The following ANKS1B variants were observed in gnomAD, a reference collection of about 807,000 sequenced individuals.
ANKS1B encodes ankyrin repeat and sterile alpha motif domain-containing protein 1B.
A neutral mutation model predicts 148.3 loss-of-function variants in ANKS1B; 36 were observed. The ratio of observed to expected loss-of-function variants is 0.24; its 90% confidence interval spans 0.19 to 0.32. The LOEUF (loss-of-function observed/expected upper bound fraction) is 0.32, where lower values mean the gene tolerates loss of function less well. Ranked by LOEUF, ANKS1B falls within the 10% of genes least tolerant of loss-of-function variation. The pLI, the probability that ANKS1B is intolerant of heterozygous loss-of-function variation, is 1.00. For synonymous variants in ANKS1B, 542 were observed against 560.8 expected (o/e 0.97, Z 0.47); for missense variants, 1,157 against 1,542.6 (o/e 0.75, Z 4.19).
chr12:99,030,860 G>A (rs1227250415), intron 17 of ANKS1B, among the ~76,000 whole-genome samples: 1 of 152,102 alleles, frequency 6.6e-6, no homozygotes, highest in Non-Finnish European at 1.5e-5. Flanking sequence ...ATGCAAAGAA[G>A]GGTCATTTTG....
At chr12:99,947,473 C>T (rs1321865215) in intron 1 of ANKS1B, among the ~76,000 whole-genome samples, 1 of 151,748 alleles carries the variant, frequency 6.6e-6, no homozygotes, top group Non-Finnish European at 1.5e-5. Context: ...AGTTTAGAAA[C>T]GTAACAATGA....
intron 1 of ANKS1B, among the ~76,000 whole-genome samples, chr12:99,919,682 A>G (rs1260882469): frequency 6.6e-6 from 1 of 151,700 alleles, no homozygotes; most frequent in Non-Finnish European, 1.5e-5. Context: ...ATCCACTGCT[A>G]TAATTTTGCA....
rs144028948 is a variant in ANKS1B, at chr12:99,642,131, C to A, written c.1272+12936G>T. Among the ~76,000 whole-genome samples, 586 of 152,224 alleles carry A rather than the reference C, an allele frequency of 3.8e-3. 3 individuals carry two copies. The highest frequency in any genetic ancestry group is 0.013 in the African/African-American group (555 of 41,524). On this transcript the variant is annotated intron_variant, in intron 9 of 26. Transcript: ENST00000683438. ...TCCTAAAATGATTAAAAAATTGAGG[C>A]TTTCCAAAGGCAAAATTATAGTTCA...
intron 1 of ANKS1B, among the ~76,000 whole-genome samples, chr12:99,957,639 A>T (rs1048217826): frequency 3.3e-5 from 5 of 152,196 alleles, no homozygotes; most frequent in African/African-American, 1.2e-4. Flanking sequence ...TACCTGGTTG[A>T]CTTATTAAAT....
chr12:99,475,152 G>A (rs980609287), intron 10 of ANKS1B, among the ~76,000 whole-genome samples: 1 of 150,918 alleles, frequency 6.6e-6, no homozygotes, highest in African/African-American at 2.4e-5. Flanking sequence ...GCTGAGGCAG[G>A]AGAATCACTT....
chr12:99,940,173 G>T lies in ANKS1B; in HGVS notation c.134+43931C>A, dbSNP rs189030232. Among the ~76,000 whole-genome samples, 24 of 152,228 alleles carry T rather than the reference G, an allele frequency of 1.6e-4. No homozygotes were observed. The East Asian group carries it at 4.2e-3, about 27-fold the overall frequency. Reference sequence around the variant, plus strand: ...AGTAAAGCTTGATTATACGCCCAGAGATGAGCATGCAAAGTATAGCCTAAT... The same window carrying T: ...AGTAAAGCTTGATTATACGCCCAGATATGAGCATGCAAAGTATAGCCTAAT... On this transcript the variant is annotated intron_variant, in intron 1 of 26. Coordinates refer to ENST00000683438, the MANE Select transcript of ANKS1B (RefSeq NM_001352186.2).
chr12:99,921,678 T>A (rs569850347), intron 1 of ANKS1B, among the ~76,000 whole-genome samples: 3 of 152,230 alleles, frequency 2.0e-5, no homozygotes, highest in African/African-American at 7.2e-5. Context: ...GAAAAAAATC[T>A]GTTTTGGAGA....
At chr12:99,513,751 T>C (rs1447956925) in intron 9 of ANKS1B, among the ~76,000 whole-genome samples, 1 of 152,070 alleles carries the variant, frequency 6.6e-6, no homozygotes, top group East Asian at 1.9e-4. Context: ...TACCGCATGC[T>C]AGTCCAGACC....
At chr12:99,809,896 G>T (rs1052121308) in intron 3 of ANKS1B, among the ~76,000 whole-genome samples, 1 of 152,032 alleles carries the variant, frequency 6.6e-6, no homozygotes, top group Non-Finnish European at 1.5e-5. Flanking sequence ...TCAAACACTG[G>T]CTGCATTTCT....
chr12:98,905,134 C>T (rs1393513816), intron 17 of ANKS1B, among the ~76,000 whole-genome samples: 1 of 152,114 alleles, frequency 6.6e-6, no homozygotes, highest in Non-Finnish European at 1.5e-5. Flanking sequence ...GAAACTGAGT[C>T]CCTAAGAGGT....
chr12:99,471,678 G>A (rs954859986), intron 10 of ANKS1B, among the ~76,000 whole-genome samples: 2 of 150,542 alleles, frequency 1.3e-5, no homozygotes, highest in Non-Finnish European at 3.0e-5. Context: ...ACATACACAC[G>A]CTCTTTAAAG....
intron 8 of ANKS1B, among the ~76,000 whole-genome samples, chr12:99,727,699 A>C (rs1302158442): frequency 6.6e-6 from 1 of 152,192 alleles, no homozygotes; most frequent in East Asian, 1.9e-4. Flanking sequence ...CTAATCAAAA[A>C]GAACAAAGCA....
At chr12:98,994,272 G>T (rs2099928275) in intron 17 of ANKS1B, among the ~76,000 whole-genome samples, 1 of 152,094 alleles carries the variant, frequency 6.6e-6, no homozygotes, top group African/African-American at 2.4e-5. Context: ...CTAATTACTA[G>T]GGATACTTCT....
chr12:98,947,516 C>T (rs567458676), intron 17 of ANKS1B, among the ~76,000 whole-genome samples: 1 of 152,162 alleles, frequency 6.6e-6, no homozygotes, highest in Non-Finnish European at 1.5e-5. Context: ...CTCAAATTTA[C>T]CTGACTTGAT....
intron 9 of ANKS1B, among the ~76,000 whole-genome samples, chr12:99,529,360 A>T (rs1389298609): frequency 1.3e-5 from 2 of 152,200 alleles, no homozygotes; most frequent in African/African-American, 2.4e-5. Flanking sequence ...TCTGTAAAGA[A>T]GCCATCAACA....
intron 6 of ANKS1B, among the ~76,000 whole-genome samples, chr12:99,778,759 A>C (rs2063945567): frequency 6.6e-6 from 1 of 152,174 alleles, no homozygotes; most frequent in Admixed American, 6.5e-5. Context: ...AACTTCCCTG[A>C]AATATTTTGG....
chr12:99,470,778 G>T (rs983987152), intron 10 of ANKS1B, among the ~76,000 whole-genome samples: 1 of 152,064 alleles, frequency 6.6e-6, no homozygotes, highest in Non-Finnish European at 1.5e-5. Context: ...AGAAAAACTG[G>T]ATGGAAATTG....
chr12:99,877,314 T>G (rs991158165), intron 1 of ANKS1B, among the ~76,000 whole-genome samples: 2 of 152,250 alleles, frequency 1.3e-5, no homozygotes, highest in African/African-American at 4.8e-5. Context: ...CCAATGGCTC[T>G]AAAGCCATTT....
chr12:99,057,562 T>G (rs750142367), intron 16 of ANKS1B, among the ~76,000 whole-genome samples: 3 of 152,220 alleles, frequency 2.0e-5, no homozygotes, highest in Non-Finnish European at 4.4e-5. Context: ...GAAACATATC[T>G]AACGAGGTCA....
Sources: allele counts gnomAD v4.1 joint callset (sites outside exome capture counted in the v4.1 genomes callset), GRCh38; gene constraint gnomAD v4.1.1; transcripts MANE v1.5; gene names NCBI Gene and HGNC (gene_info 2026-07-23, HGNC 2026-07-21).